NOL4: variants seen among roughly 807,000 people sequenced by gnomAD.
NOL4 encodes nucleolar protein 4.
In NOL4, 17 loss-of-function variants were observed where a neutral mutation model predicts 75.9. That is an observed-to-expected ratio of 0.22 (90% CI 0.15 to 0.34). NOL4 has a LOEUF of 0.34. Ranked by LOEUF, NOL4 falls within the 10% of genes least tolerant of loss-of-function variation. The pLI is 1.00. For synonymous variants in NOL4, 292 were observed against 289.9 expected (o/e 1.01, Z -0.07); for missense variants, 614 against 793.5 (o/e 0.77, Z 2.72).
Position 33,927,889 on chromosome 18 carries a change from A to G in NOL4, c.1542+15176T>C, listed in dbSNP as rs139868811. ...CCACACGAGACATGTCACACATGAC[A>G]CACCGCTTCCTTTAGGAAGCATAGC... On this transcript the variant is annotated intron_variant, in intron 9 of 10. Transcript: ENST00000261592. 2.0e-3 allele frequency among the ~76,000 whole-genome samples: 298 copies of G among 152,208 alleles called. 2 individuals are homozygous for G. The highest frequency in any genetic ancestry group is 6.3e-3 in the African/African-American group (262 of 41,546).
At chr18:33,867,107 T>C (rs899846368) in intron 10 of NOL4, among the ~76,000 whole-genome samples, 3 of 152,294 alleles carry the variant, frequency 2.0e-5, no homozygotes, top group African/African-American at 7.2e-5. Context: ...AAAATAGTAC[T>C]ATTTATAGTT....
chr18:33,899,003 T>C (rs1226915486), intron 9 of NOL4, among the ~76,000 whole-genome samples: 2 of 152,158 alleles, frequency 1.3e-5, no homozygotes, highest in East Asian at 1.9e-4. Context: ...TGCTATCTTT[T>C]AGGTTAAATA....
intron 5 of NOL4, among the ~76,000 whole-genome samples, chr18:34,079,598 C>A (rs1251150504): frequency 1.3e-5 from 2 of 152,122 alleles, no homozygotes; most frequent in Admixed American, 1.3e-4. Flanking sequence ...ATACCAACTA[C>A]CCTGCCACAG....
At chr18:34,162,464 A>G (rs1182534073) in intron 1 of NOL4, among the ~76,000 whole-genome samples, 36 of 152,218 alleles carry the variant, frequency 2.4e-4, no homozygotes, top group Non-Finnish European at 2.9e-5. Flanking sequence ...AAACACCTCT[A>G]CGCAAATAAA....
intron 8 of NOL4, among the ~76,000 whole-genome samples, chr18:33,950,424 T>A (rs899222071): frequency 6.6e-6 from 1 of 152,140 alleles, no homozygotes; most frequent in African/African-American, 2.4e-5. Context: ...ATCTCTCAAC[T>A]AATTTCTACC....
At chr18:33,998,183 C>G (rs945976767) in intron 6 of NOL4, among the ~76,000 whole-genome samples, 3 of 151,818 alleles carry the variant, frequency 2.0e-5, no homozygotes, top group African/African-American at 7.2e-5. Flanking sequence ...TGATGGAAAT[C>G]AAAAATTAAC....
At chr18:33,949,934 A>G in intron 8 of NOL4, among the ~76,000 whole-genome samples, 1 of 152,036 alleles carries the variant, frequency 6.6e-6, no homozygotes, top group East Asian at 1.9e-4. Context: ...TTAACAACTG[A>G]AATAACATGC....
chr18:33,870,913 T>C (rs976089736), intron 10 of NOL4, among the ~76,000 whole-genome samples: 7 of 152,180 alleles, frequency 4.6e-5, no homozygotes, highest in Admixed American at 2.6e-4. Context: ...ATTTAGATAT[T>C]GGCCAGAATG....
At chr18:34,210,619 G>A (rs982585069) in intron 1 of NOL4, among the ~76,000 whole-genome samples, 1 of 152,192 alleles carries the variant, frequency 6.6e-6, no homozygotes, top group Admixed American at 6.5e-5. Context: ...GAAAGAGAAA[G>A]TTAGTGTTAG....
chr18:34,116,713 T>C (rs543227555), intron 2 of NOL4, among the ~76,000 whole-genome samples: 1 of 152,254 alleles, frequency 6.6e-6, no homozygotes, highest in Admixed American at 6.5e-5. Context: ...TAATAACAAA[T>C]TGTTGTTTTG....
At chr18:34,135,469 G>A (rs565262349) in intron 1 of NOL4, among the ~76,000 whole-genome samples, 3 of 151,996 alleles carry the variant, frequency 2.0e-5, no homozygotes, top group Admixed American at 6.6e-5. Context: ...AGGCTGAGAC[G>A]GGTGGATCAC....
At chr18:33,885,351 A>G (rs561973262) in intron 9 of NOL4, among the ~76,000 whole-genome samples, 1 of 152,156 alleles carries the variant, frequency 6.6e-6, no homozygotes, top group Non-Finnish European at 1.5e-5. Flanking sequence ...AACCTTCTGC[A>G]CAGCAAAGGA....
chr18:34,162,133 ATAAAT>A (rs1361010250), intron 1 of NOL4, among the ~76,000 whole-genome samples: 5 of 152,130 alleles, frequency 3.3e-5, no homozygotes, highest in African/African-American at 1.2e-4. Flanking sequence ...AGGTCTGTGT[ATAAAT>A]TAAAGACTGT....
intron 5 of NOL4, among the ~76,000 whole-genome samples, chr18:34,071,308 A>G (rs1200786949): frequency 2.0e-5 from 3 of 152,174 alleles, no homozygotes; most frequent in African/African-American, 7.2e-5. Flanking sequence ...ATGAATTCAA[A>G]ACTTGCTATA....
intron 2 of NOL4, among the ~76,000 whole-genome samples, chr18:34,112,372 A>C (rs77722455): frequency 0.041 from 5,974 of 146,862 alleles, 142 homozygotes; most frequent in African/African-American, 0.066. Context: ...GTCCCCCCCC[A>C]AAAAAAAAAG....
intron 5 of NOL4, among the ~76,000 whole-genome samples, chr18:34,040,247 A>G (rs1048993526): frequency 1.3e-5 from 2 of 151,886 alleles, no homozygotes; most frequent in Non-Finnish European, 2.9e-5. Flanking sequence ...GTAGATTGGG[A>G]GTGAAGAATA....
At chr18:34,169,661 G>A (rs1273720600) in intron 1 of NOL4, among the ~76,000 whole-genome samples, 1 of 152,088 alleles carries the variant, frequency 6.6e-6, no homozygotes, top group Non-Finnish European at 1.5e-5. Flanking sequence ...TATGCACCAT[G>A]CCAATACTAC....
intron 10 of NOL4, among the ~76,000 whole-genome samples, chr18:33,856,583 C>T (rs2062845551): frequency 6.6e-6 from 1 of 152,008 alleles, no homozygotes; most frequent in Non-Finnish European, 1.5e-5. Flanking sequence ...AGGACCTCCA[C>T]TCCCAAGCAA....
intron 6 of NOL4, among the ~76,000 whole-genome samples, chr18:33,982,742 ATTTTTTTTT>A (rs953221382): frequency 9.5e-6 from 1 of 104,914 alleles, no homozygotes; most frequent in African/African-American, 3.5e-5. Context: ...AGACAATGGG[ATTTTTTTTT>A]TTTTTTTTTT....
Sources: allele counts gnomAD v4.1 joint callset (sites outside exome capture counted in the v4.1 genomes callset), GRCh38; gene constraint gnomAD v4.1.1; transcripts MANE v1.5; gene names NCBI Gene and HGNC (gene_info 2026-07-23, HGNC 2026-07-21).